The following LRMDA variants were observed in gnomAD, a reference collection of about 807,000 sequenced individuals.
The protein encoded by LRMDA is leucine rich melanocyte differentiation associated.
Under a neutral mutation model 29.8 loss-of-function variants are expected in LRMDA, and 18 were observed. The observed-to-expected ratio is 0.60, with a 90% CI of 0.42 to 0.90. LRMDA has a LOEUF of 0.90. Ranked by LOEUF, LRMDA falls within the 40% of genes least tolerant of loss-of-function variation. LRMDA has a pLI of 0.00. For synonymous variants in LRMDA, 125 were observed against 109.4 expected (o/e 1.14, Z -0.89); for missense variants, 273 against 273.9 (o/e 1.00, Z 0.02).
At chr10:75,899,574 G>A (rs562671308) in intron 2 of LRMDA, among the ~76,000 whole-genome samples, 3 of 152,294 alleles carry the variant, frequency 2.0e-5, no homozygotes, top group South Asian at 2.1e-4. Flanking sequence ...GCCAGAATGC[G>A]GGGCCTGTGA....
intron 5 of LRMDA, among the ~76,000 whole-genome samples, chr10:76,240,577 A>G (rs1852254974): frequency 6.6e-6 from 1 of 150,560 alleles, no homozygotes; most frequent in Non-Finnish European, 1.5e-5. Context: ...GAGATTCCTT[A>G]AAGAACTAAA....
chr10:76,515,951 C>T (rs1843056660), intron 6 of LRMDA, among the ~76,000 whole-genome samples: 1 of 152,082 alleles, frequency 6.6e-6, no homozygotes, highest in Non-Finnish European at 1.5e-5. Context: ...CGTGTTTTCC[C>T]CAAATTCAGA....
intron 2 of LRMDA, among the ~76,000 whole-genome samples, chr10:75,953,799 C>T (rs900538449): frequency 1.1e-4 from 17 of 152,112 alleles, no homozygotes; most frequent in East Asian, 5.8e-4. Flanking sequence ...GAATGGCCCC[C>T]GCAGTATTCC....
At chr10:76,192,716 T>C (rs902024071) in intron 5 of LRMDA, among the ~76,000 whole-genome samples, 1 of 152,202 alleles carries the variant, frequency 6.6e-6, no homozygotes, top group Non-Finnish European at 1.5e-5. Context: ...GGAAATTTTT[T>C]AGAAATCTTT....
chr10:75,606,811 A>G (rs1411421972), intron 2 of LRMDA, among the ~76,000 whole-genome samples: 1 of 152,144 alleles, frequency 6.6e-6, no homozygotes, highest in Non-Finnish European at 1.5e-5. Context: ...CTGTATCTCT[A>G]TTTCTGGGGG....
At chr10:75,630,980 C>T (rs12242790) in intron 2 of LRMDA, among the ~76,000 whole-genome samples, 4,540 of 152,226 alleles carry the variant, frequency 0.03, 164 homozygotes, top group African/African-American at 0.078. Context: ...CCTCCTCGTC[C>T]CTCATGTTTG....
chr10:76,361,513 TG>T (rs1841312709), intron 6 of LRMDA, among the ~76,000 whole-genome samples: 1 of 152,050 alleles, frequency 6.6e-6, no homozygotes, highest in Admixed American at 6.6e-5. Context: ...CCCTGGTGAG[TG>T]GGCAGGATTG....
At chr10:76,248,208 G>T (rs142128373) in intron 5 of LRMDA, among the ~76,000 whole-genome samples, 2 of 152,230 alleles carry the variant, frequency 1.3e-5, no homozygotes, top group African/African-American at 4.8e-5. Flanking sequence ...TATGCTACTG[G>T]CATGTAGTAG....
At chr10:75,460,707 A>C (rs1446551001) in intron 2 of LRMDA, among the ~76,000 whole-genome samples, 1 of 152,180 alleles carries the variant, frequency 6.6e-6, no homozygotes, top group Non-Finnish European at 1.5e-5. Flanking sequence ...CCTGTATAAA[A>C]GGTCTTGACT....
chr10:75,606,442 C>T (rs1044882945), intron 2 of LRMDA, among the ~76,000 whole-genome samples: 6 of 152,170 alleles, frequency 3.9e-5, no homozygotes, highest in East Asian at 1.9e-4. Flanking sequence ...TTTTTAGAAC[C>T]GAGGTTCTAT....
chr10:76,341,379 T>TG (rs1245554156), intron 6 of LRMDA, among the ~76,000 whole-genome samples: 2 of 152,118 alleles, frequency 1.3e-5, no homozygotes, highest in Non-Finnish European at 2.9e-5. Flanking sequence ...ACAGATTAAG[T>TG]GGGGAAAAAA....
chr10:76,200,026 A>G lies in LRMDA; in HGVS notation c.517-124375A>G, dbSNP rs556091449. On this transcript the variant is annotated intron_variant, in intron 5 of 6. Transcript: ENST00000611255. ...ACCCAGGCTGGAGTGCAGTGGCACA[A>G]TCTTGCCTTACTGCAGCCTTGACCT... Among the ~76,000 whole-genome samples, 23 of 152,326 alleles carry G rather than the reference A, an allele frequency of 1.5e-4. 1 individual carries two copies. The highest frequency in any genetic ancestry group is 1.0e-3 in the Admixed American group (16 of 15,310).
intron 2 of LRMDA, among the ~76,000 whole-genome samples, chr10:75,455,629 C>T (rs974764344): frequency 2.0e-5 from 3 of 152,134 alleles, no homozygotes; most frequent in African/African-American, 7.2e-5. Context: ...CCCAGCCAGC[C>T]CAGCAAAGCA....
At chr10:76,545,751 A>G (rs1319735906) in intron 6 of LRMDA, among the ~76,000 whole-genome samples, 1 of 151,820 alleles carries the variant, frequency 6.6e-6, no homozygotes, top group African/African-American at 2.4e-5. Context: ...AACTCAAGAC[A>G]CTAGAACCCT....
chr10:76,254,088 A>G (rs758952731), intron 5 of LRMDA, among the ~76,000 whole-genome samples: 7 of 152,096 alleles, frequency 4.6e-5, no homozygotes, highest in Non-Finnish European at 8.8e-5. Flanking sequence ...TGACTTCTTA[A>G]AATCTGAATT....
intron 2 of LRMDA, among the ~76,000 whole-genome samples, chr10:75,992,988 A>T (rs2132461219): frequency 6.6e-6 from 1 of 152,278 alleles, no homozygotes; most frequent in South Asian, 2.1e-4. Context: ...AAAAATAAAA[A>T]TGAAAATTAA....
chr10:76,017,340 A>AGAC (rs1847895045), intron 2 of LRMDA, among the ~76,000 whole-genome samples: 1 of 152,242 alleles, frequency 6.6e-6, no homozygotes, highest in African/African-American at 2.4e-5. Context: ...GGTCTGGAAC[A>AGAC]GACCCTCCCC....
intron 2 of LRMDA, among the ~76,000 whole-genome samples, chr10:75,929,745 G>T (rs1217291164): frequency 1.3e-5 from 2 of 152,156 alleles, no homozygotes; most frequent in Non-Finnish European, 2.9e-5. Context: ...GGATCCTGTA[G>T]TTGAGGGTTA....
chr10:76,363,619 C>A (rs984122361), intron 6 of LRMDA, among the ~76,000 whole-genome samples: 3 of 151,906 alleles, frequency 2.0e-5, no homozygotes, highest in Non-Finnish European at 4.4e-5. Flanking sequence ...ACATGGAATA[C>A]TTTTGCTTAC....
Sources: allele counts gnomAD v4.1 joint callset (sites outside exome capture counted in the v4.1 genomes callset), GRCh38; gene constraint gnomAD v4.1.1; transcripts MANE v1.5; gene names NCBI Gene and HGNC (gene_info 2026-07-23, HGNC 2026-07-21).